Variants in BASP1 observed in about 807,000 individuals in gnomAD.
The protein encoded by BASP1 is brain abundant membrane attached signal protein 1, also known as brain acid soluble protein 1.
In BASP1, 1 loss-of-function variant was observed where a neutral mutation model predicts 2.2. The ratio of observed to expected loss-of-function variants is 0.46; its 90% CI spans 0.16 to 2.17. BASP1 has a LOEUF of 2.17. Among genes scored for constraint, BASP1 ranks in the 30% most tolerant of loss-of-function variants. The pLI is 0.27. For missense variants in BASP1, 352 were observed against 327.2 expected (o/e 1.08, Z -0.58); for synonymous variants, 187 against 154.2 (o/e 1.21, Z -1.58).
intron 1 of BASP1, among the ~76,000 whole-genome samples, chr5:17,220,312 A>G (rs1305959728): frequency 6.6e-6 from 1 of 152,084 alleles, no homozygotes; most frequent in Non-Finnish European, 1.5e-5. Context: ...GTAGGTTATT[A>G]TGATTTAGAG....
At chr5:17,255,669 A>C (rs1203368422) in intron 1 of BASP1, among the ~76,000 whole-genome samples, 1 of 152,202 alleles carries the variant, frequency 6.6e-6, no homozygotes, top group Non-Finnish European at 1.5e-5. Context: ...GTGGACGTAA[A>C]TAATAGAACA....
At chr5:17,237,809 C>T (rs1026010050) in intron 1 of BASP1, among the ~76,000 whole-genome samples, 6 of 152,080 alleles carry the variant, frequency 3.9e-5, no homozygotes, top group Non-Finnish European at 8.8e-5. Flanking sequence ...CAGTGTTTCA[C>T]CATGTTGGCC....
At chr5:17,274,217 C>G (rs1191828900) in intron 1 of BASP1, among the ~76,000 whole-genome samples, 3 of 152,032 alleles carry the variant, frequency 2.0e-5, no homozygotes, top group South Asian at 4.1e-4. Context: ...TGATAATGAA[C>G]AACAATTTTA....
intron 1 of BASP1, among the ~76,000 whole-genome samples, chr5:17,220,470 C>T (rs1340361934): frequency 6.6e-6 from 1 of 152,076 alleles, no homozygotes; most frequent in Non-Finnish European, 1.5e-5. Flanking sequence ...ATATTTAAAT[C>T]GATTTTTAAA....
chr5:17,267,539 G>C (rs769383554), intron 1 of BASP1, among the ~76,000 whole-genome samples: 1 of 149,238 alleles, frequency 6.7e-6, no homozygotes. Flanking sequence ...TTGAGACGAA[G>C]TCTTGCTCTG....
chr5:17,219,051 C>T (rs1739334214), intron 1 of BASP1, among the ~76,000 whole-genome samples: 1 of 152,144 alleles, frequency 6.6e-6, no homozygotes, highest in Non-Finnish European at 1.5e-5. Flanking sequence ...CGGGCTAAAA[C>T]CCAACACTAG....
chr5:17,233,767 GT>G (rs1203054389), intron 1 of BASP1, among the ~76,000 whole-genome samples: 47 of 142,444 alleles, frequency 3.3e-4, no homozygotes, highest in Middle Eastern at 3.6e-3. Flanking sequence ...TCTTTTCTTT[GT>G]TTTTTTTTTT....
At chr5:17,247,204 G>A (rs1360757934) in intron 1 of BASP1, among the ~76,000 whole-genome samples, 3 of 152,122 alleles carry the variant, frequency 2.0e-5, no homozygotes, top group Non-Finnish European at 4.4e-5. Context: ...AAATAAATAA[G>A]TAGATAGATA....
intron 1 of BASP1, among the ~76,000 whole-genome samples, chr5:17,250,708 C>T (rs2126507256): frequency 6.6e-6 from 1 of 152,218 alleles, no homozygotes; most frequent in Non-Finnish European, 1.5e-5. Context: ...GGGTTCATGC[C>T]ATTCTCCTGC....
intron 1 of BASP1, among the ~76,000 whole-genome samples, chr5:17,258,953 T>C (rs1399810903): frequency 6.6e-6 from 1 of 152,126 alleles, no homozygotes; most frequent in Non-Finnish European, 1.5e-5. Flanking sequence ...AGATGACAAA[T>C]GTCATTGAAA....
chr5:17,261,893 G>A (rs1367884108), intron 1 of BASP1, among the ~76,000 whole-genome samples: 1 of 152,148 alleles, frequency 6.6e-6, no homozygotes, highest in Non-Finnish European at 1.5e-5. Flanking sequence ...CGCCTCATGT[G>A]CTCTGTGAGC....
chr5:17,271,736 T>C (rs771181918), intron 1 of BASP1, among the ~76,000 whole-genome samples: 1 of 152,186 alleles, frequency 6.6e-6, no homozygotes, highest in African/African-American at 2.4e-5. Context: ...TAACTTTCTA[T>C]ACCAAATGAT....
intron 1 of BASP1, among the ~76,000 whole-genome samples, chr5:17,244,972 G>A (rs1331367916): frequency 6.8e-5 from 10 of 147,572 alleles, no homozygotes; most frequent in African/African-American, 2.5e-4. Context: ...ACCATGCCCA[G>A]CCGATACTAT....
chr5:17,257,165 C>G (rs1740231416), intron 1 of BASP1, among the ~76,000 whole-genome samples: 1 of 152,036 alleles, frequency 6.6e-6, no homozygotes, highest in East Asian at 1.9e-4. Flanking sequence ...CATTTGTATT[C>G]CTGGATGGCA....
intron 1 of BASP1, among the ~76,000 whole-genome samples, chr5:17,269,073 G>A (rs746876835): frequency 3.9e-5 from 6 of 152,136 alleles, no homozygotes; most frequent in Non-Finnish European, 8.8e-5. Flanking sequence ...CTAAAGTGTA[G>A]TTGTCTCTGA....
intron 1 of BASP1, among the ~76,000 whole-genome samples, chr5:17,235,908 T>C (rs1030085226): frequency 2.0e-5 from 3 of 152,198 alleles, no homozygotes; most frequent in African/African-American, 7.2e-5. Flanking sequence ...CAGACACTAC[T>C]TGGCCCAGAG....
At chr5:17,262,323 T>A (rs1051246881) in intron 1 of BASP1, among the ~76,000 whole-genome samples, 7 of 152,230 alleles carry the variant, frequency 4.6e-5, no homozygotes, top group Non-Finnish European at 7.3e-5. Flanking sequence ...TGTAGAAAGC[T>A]TATTTGTTCT....
intron 1 of BASP1, among the ~76,000 whole-genome samples, chr5:17,253,355 C>T (rs147985120): frequency 5.9e-5 from 9 of 152,220 alleles, no homozygotes; most frequent in East Asian, 1.9e-4. Context: ...GGACTACAGG[C>T]GTACGCCACC....
In BASP1 at chr5:17,276,633, GAA is replaced by G. The variant is rs55917297; in HGVS notation, c.*751_*752del. The G allele has an allele frequency of 1.8e-3, 185 of 104,926 alleles. No homozygotes were observed. Among genetic ancestry groups the G allele is most frequent in the East Asian group, 2.3e-3 (8 of 3,534 alleles). The allele number at this position is 104,926 out of a possible 1,614,324, so 6.5% of individuals were successfully genotyped here. ...GTTCTGTTTATTGGTCAGTGGAAAT[GAA>G]AAAAAAAAAAAAAAAAAGTCTGCGT... On this transcript the variant is annotated 3_prime_UTR_variant, in exon 2 of 2. Transcript: ENST00000322611.
Sources: gnomAD v4.1 joint callset for allele counts (sites outside exome capture counted in the v4.1 genomes callset) on GRCh38, gnomAD v4.1.1 for gene constraint, MANE v1.5 for transcripts, NCBI Gene and HGNC (gene_info 2026-07-23, HGNC 2026-07-21) for gene names.